IGSF23: variants seen among roughly 807,000 people sequenced by gnomAD.
IGSF23 encodes immunoglobulin superfamily member 23.
In IGSF23, 14 loss-of-function variants were observed where a neutral mutation model predicts 17.8. The observed-to-expected ratio is 0.79, with a 90% CI of 0.52 to 1.23. The LOEUF (loss-of-function observed/expected upper bound fraction) is 1.23, where lower values mean the gene tolerates loss of function less well. Ranked by LOEUF, IGSF23 falls within the 50% of genes most tolerant of loss-of-function variation. The pLI is 0.00. For missense variants in IGSF23, 214 were observed against 241.7 expected, an observed-to-expected ratio of 0.89 and a Z score of 0.76; for synonymous variants, 85 against 92.5, an observed-to-expected ratio of 0.92 and a Z score of 0.46.
intron 1 of IGSF23, among the ~76,000 whole-genome samples, chr19:44,616,266 T>C (rs532068818): frequency 2.6e-5 from 4 of 152,266 alleles, no homozygotes; most frequent in Non-Finnish European, 5.9e-5. Context: ...CCCAAAGTGG[T>C]TATCTGAGTA....
At chr19:44,614,297 CCT>C (rs1972318767) in intron 1 of IGSF23, among the ~76,000 whole-genome samples, 1 of 129,994 alleles carries the variant, frequency 7.7e-6, no homozygotes, top group Middle Eastern at 4.5e-3. Context: ...ACCAGAATGC[CCT>C]GTCTCACCCC....
chr19:44,626,176 G>C (rs566522829), intron 2 of IGSF23, among the ~76,000 whole-genome samples: 19 of 152,286 alleles, frequency 1.2e-4, no homozygotes, highest in Non-Finnish European at 2.5e-4. Flanking sequence ...TCAGAGCTGG[G>C]ACATGGAAAT....
Position 44,627,544 on chromosome 19 carries a change from C to A in IGSF23, c.516C>A (p.Gly172=). Residue 172 remains glycine (G), a synonymous_variant, in exon 3 of 5, where the codon GGC becomes GGA. Coordinates refer to ENST00000402988, the MANE Select transcript of IGSF23 (RefSeq NM_001205280.2). ...TGGGAGCCGGGGCACTGATTGCAGG[C>A]ATGTGTTTCATCATCATCCAGAGCC... The part of the protein sequence containing the change: ...GILGAGALIA[G]MCFIIIQSLR... 1 of 1,550,470 alleles carries A rather than the reference C, an allele frequency of 6.4e-7. No homozygotes were observed. The highest frequency in any genetic ancestry group is 8.7e-7 in the Non-Finnish European group (1 of 1,146,938).
At chr19:44,618,311 C>T (rs1397872393) in intron 1 of IGSF23, 1 of 391,826 alleles carries the variant, frequency 2.6e-6, no homozygotes, top group Non-Finnish European at 5.1e-6. Context: ...GAACCCAAGG[C>T]AGCCTGGTCA....
intron 3 of IGSF23, among the ~76,000 whole-genome samples, chr19:44,627,785 G>A (rs1282369057): frequency 6.6e-6 from 1 of 152,270 alleles, no homozygotes; most frequent in East Asian, 1.9e-4. Context: ...GGGCTGTCTG[G>A]CTTCAAGTCC....
intron 1 of IGSF23, among the ~76,000 whole-genome samples, chr19:44,614,295 GC>G (rs149797620): frequency 0.076 from 11,597 of 152,216 alleles, 473 homozygotes; most frequent in Middle Eastern, 0.14. Context: ...CCACCAGAAT[GC>G]CCTGTCTCAC....
chr19:44,632,290 T>C (rs1372384542), intron 3 of IGSF23: 1 of 194,926 alleles, frequency 5.1e-6, no homozygotes, highest in Non-Finnish European at 1.1e-5. Flanking sequence ...CTAATAAGTA[T>C]AATTGTTCTC....
intron 3 of IGSF23, among the ~76,000 whole-genome samples, chr19:44,630,362 T>A (rs1972738950): frequency 6.6e-6 from 1 of 152,214 alleles, no homozygotes; most frequent in African/African-American, 2.4e-5. Context: ...CTCTCAGGGC[T>A]AGGTGCTATT....
At chr19:44,631,642 C>T (rs751881951) in intron 3 of IGSF23, among the ~76,000 whole-genome samples, 2 of 152,140 alleles carry the variant, frequency 1.3e-5, no homozygotes, top group Non-Finnish European at 2.9e-5. Context: ...GAGATTTACC[C>T]ACGTATTTAT....
intron 1 of IGSF23, among the ~76,000 whole-genome samples, chr19:44,614,305 A>C (rs1175506917): frequency 1.3e-5 from 2 of 152,144 alleles, no homozygotes; most frequent in East Asian, 3.9e-4. Context: ...GCCCTGTCTC[A>C]CCCCTGCAAT....
At position 44,623,874 on chromosome 19, in the gene IGSF23, T is replaced by C; in HGVS notation, c.293T>C (p.Ile98Thr). Reference sequence around the variant, plus strand: ...TGTGGGATGGGAGAGAAGCTGTTCATCCGACGGTTGTCCTGTGAGCAGCTG... The same window carrying C: ...TGTGGGATGGGAGAGAAGCTGTTCACCCGACGGTTGTCCTGTGAGCAGCTG... Reference protein sequence around the residue: ...VPCGMGEKLFIRRLSCEQLGT... With the variant: ...VPCGMGEKLFTRRLSCEQLGT... The change falls in exon 2 of 5, where the codon ATC becomes ACC. Residue 98 changes from isoleucine (I) to threonine (T), a missense_variant. Physicochemically the swap from Ile to Thr is moderately conservative, Grantham distance 89. Coordinates refer to ENST00000402988, the MANE Select transcript of IGSF23 (RefSeq NM_001205280.2). The C allele has an allele frequency of 1.3e-6, 2 of 1,550,856 alleles. No individual in the cohort carries two copies. The highest frequency in any genetic ancestry group is 1.4e-5 in the African/African-American group (1 of 73,162).
intron 3 of IGSF23, among the ~76,000 whole-genome samples, chr19:44,634,732 C>A (rs1420049338): frequency 6.7e-6 from 1 of 150,168 alleles, no homozygotes; most frequent in Non-Finnish European, 1.5e-5. Flanking sequence ...ACCTGGGAGG[C>A]GGAAGTTGCA....
At chr19:44,621,098 A>T (rs1248003187) in intron 1 of IGSF23, among the ~76,000 whole-genome samples, 2 of 152,032 alleles carry the variant, frequency 1.3e-5, no homozygotes, top group African/African-American at 4.8e-5. Context: ...CCTGGGCAAC[A>T]TGATGAGACG....
At position 44,613,769 on chromosome 19, in the gene IGSF23, G is replaced by GTGTA; in HGVS notation, c.125_125+3dup. 4 of 1,550,482 alleles carry GTGTA rather than the reference G, an allele frequency of 2.6e-6. No homozygotes were observed. The highest frequency in any genetic ancestry group is 3.5e-6 in the Non-Finnish European group (4 of 1,146,932). On this transcript the variant is annotated frameshift_variant and splice_region_variant, in exon 1 of 5. Transcript: ENST00000402988. LOFTEE classifies it high-confidence loss of function. ...TGGAGGTGACTTCCCAGCCAACTTG[G>GTGTA]TGTAAGTCATGTGGGGAAGTGGCCA...
chr19:44,614,105 C>A, intron 1 of IGSF23: 1 of 752,710 alleles, frequency 1.3e-6, no homozygotes, highest in South Asian at 1.5e-5. Context: ...GAGGCCCATG[C>A]AGCTCAGGCA....
chr19:44,636,153 G>A (rs1272288045), intron 4 of IGSF23, among the ~76,000 whole-genome samples: 1 of 152,144 alleles, frequency 6.6e-6, no homozygotes, highest in Non-Finnish European at 1.5e-5. Context: ...AGCTCAAAAT[G>A]GACATGCCAT....
intron 1 of IGSF23, among the ~76,000 whole-genome samples, chr19:44,617,264 G>C (rs1376108058): frequency 6.6e-6 from 1 of 150,438 alleles, no homozygotes; most frequent in Non-Finnish European, 1.5e-5. Flanking sequence ...AAAGGATTAG[G>C]TGTGGTGCCC....
At chr19:44,623,579 T>A in intron 1 of IGSF23, 128 bp from the exon 2 acceptor site, 1 of 1,022,822 alleles carries the variant, frequency 9.8e-7, no homozygotes, top group Non-Finnish European at 1.4e-6. Flanking sequence ...TTCAAACACA[T>A]TCATGGGTGA....
intron 1 of IGSF23, 97 bp from the exon 2 acceptor site, chr19:44,623,610 A>C: frequency 8.2e-7 from 1 of 1,220,360 alleles, no homozygotes; most frequent in Non-Finnish European, 1.2e-6. Context: ...GAATGAACAC[A>C]TGAAAGAATG....
Sources: allele counts gnomAD v4.1 joint callset (sites outside exome capture counted in the v4.1 genomes callset), GRCh38; gene constraint gnomAD v4.1.1; transcripts MANE v1.5; gene names NCBI Gene and HGNC (gene_info 2026-07-23, HGNC 2026-07-21).